The following PHF12 variants were observed in gnomAD, a reference collection of about 807,000 sequenced individuals.
The protein encoded by PHF12 is PHD finger protein 12, also known as PHD factor 1.
Under a neutral mutation model 99.8 loss-of-function variants are expected in PHF12, and 6 were observed. The ratio of observed to expected loss-of-function variants is 0.06; its 90% CI spans 0.03 to 0.12. The LOEUF (loss-of-function observed/expected upper bound fraction) is 0.12. Among genes scored for constraint, PHF12 ranks in the 10% least tolerant of loss-of-function variants. PHF12 has a pLI of 1.00. For synonymous variants in PHF12, 480 were observed against 514.9 expected, an observed-to-expected ratio of 0.93 and a Z score of 0.92; for missense variants, 954 against 1,300.1, an observed-to-expected ratio of 0.73 and a Z score of 4.09.
chr17:28,909,303 G>A (rs557715546), intron 11 of PHF12: 1 of 164,428 alleles, frequency 6.1e-6, no homozygotes, highest in Non-Finnish European at 1.3e-5. Context: ...GTCTGAGGAG[G>A]GGCCTTAGCT....
chr17:28,922,862 C>T (rs779590095), intron 4 of PHF12, among the ~76,000 whole-genome samples: 5 of 152,104 alleles, frequency 3.3e-5, no homozygotes, highest in African/African-American at 4.8e-5. Context: ...GCGGGAGGAT[C>T]GTGTGAGCAC....
intron 13 of PHF12, 114 bp downstream of exon 13, chr17:28,907,476 A>T: frequency 9.9e-7 from 1 of 1,011,300 alleles, no homozygotes. Flanking sequence ...AGGGAAGAAA[A>T]AGAGAGGACC....
intron 2 of PHF12, chr17:28,944,586 G>C (rs1379083410): frequency 1.1e-6 from 1 of 873,052 alleles, no homozygotes; most frequent in Non-Finnish European, 1.4e-6. Context: ...GGCGGAGATT[G>C]CAGTGAACTG....
chr17:28,915,355 T>C (rs964784047), intron 7 of PHF12, among the ~76,000 whole-genome samples: 8 of 152,262 alleles, frequency 5.3e-5, no homozygotes, highest in African/African-American at 1.7e-4. Flanking sequence ...GTAGTGATCA[T>C]TGTTATTTAC....
At position 28,951,498 on chromosome 17, in the gene PHF12, G is replaced by GTATTGCCTTCCGCAGGCCCTCA. The variant is rs2040814310; in HGVS notation, c.-539_-538insTGAGGGCCTGCGGAAGGCAATA. 1 of 985,260 alleles carries GTATTGCCTTCCGCAGGCCCTCA rather than the reference G, an allele frequency of 1.0e-6. No individual in the cohort carries two copies. Among genetic ancestry groups the GTATTGCCTTCCGCAGGCCCTCA allele is most frequent in the African/African-American group, 1.7e-5 (1 of 57,224 alleles). 61.0% of individuals were successfully genotyped at this position (985,260 alleles called of 1,614,324 possible). On this transcript the variant is annotated 5_prime_UTR_variant, in exon 1 of 15. Coordinates refer to ENST00000332830, the MANE Select transcript of PHF12 (RefSeq NM_001033561.2). ...CGCCCGCAAAGCCACCCGCGCAGGC[G>GTATTGCCTTCCGCAGGCCCTCA]CCCCGGGATCGGCGCTCGCCGCGCG...
chr17:28,910,962 CAT>C, intron 10 of PHF12, 148 bp downstream of exon 10: 1 of 1,114,190 alleles, frequency 9.0e-7, no homozygotes, highest in Non-Finnish European at 1.3e-6. Flanking sequence ...CCCGCCCCCC[CAT>C]CCAAAAGGAT....
chr17:28,923,761 G>A, intron 4 of PHF12, 148 bp downstream of exon 4: 1 of 953,700 alleles, frequency 1.0e-6, no homozygotes, highest in East Asian at 2.8e-5. Context: ...TAATGGCTAA[G>A]ACCTTCAAAG....
chr17:28,931,317 G>A (rs558178426), intron 2 of PHF12, among the ~76,000 whole-genome samples: 5 of 149,988 alleles, frequency 3.3e-5, no homozygotes, highest in East Asian at 3.9e-4. Flanking sequence ...GTGCAGTGGC[G>A]CGATCTTGGC....
intron 10 of PHF12, chr17:28,910,576 G>C (rs1484425707): frequency 1.6e-6 from 1 of 624,986 alleles, no homozygotes; most frequent in African/African-American, 1.8e-5. Flanking sequence ...AATGCAGCCT[G>C]TGCAGCTGCC....
At chr17:28,911,345 C>A in intron 9 of PHF12, 108 bp from the exon 10 acceptor site, 2 of 1,443,606 alleles carry the variant, frequency 1.4e-6, no homozygotes, top group South Asian at 1.3e-5. Flanking sequence ...GTGATGTTCC[C>A]TTCTTGATTC....
rs2040779768 is a variant in PHF12, at chr17:28,949,941, CA to C, written c.248+123del. 5 of 1,157,176 alleles carry C rather than the reference CA, an allele frequency of 4.3e-6. No individual in the cohort carries two copies. The South Asian group carries it at 7.7e-5, about 18-fold the overall frequency. The allele number at this position is 1,157,176 out of a possible 1,614,324, so 71.7% of individuals were successfully genotyped here. ...GGGGGCGGGGAGGTGCTCGCCCCGG[CA>C]GCTGCAGAAAGTCAGCTAGCGGCTG... is the stretch of plus-strand genomic sequence containing the variant. On this transcript the variant is annotated intron_variant, in intron 2 of 14. Coordinates refer to ENST00000332830, the MANE Select transcript of PHF12 (RefSeq NM_001033561.2). This position sits in a 1 kb window ranked among gnomAD's most constrained non-coding sequence, Gnocchi z 4.6.
intron 2 of PHF12, among the ~76,000 whole-genome samples, chr17:28,938,944 A>AC (rs1440415161): frequency 6.6e-6 from 1 of 152,226 alleles, no homozygotes; most frequent in Non-Finnish European, 1.5e-5. Context: ...AAGAATGATC[A>AC]CCCTAAAGGT....
Position 28,921,825 on chromosome 17 carries a change from T to G in PHF12, c.716-17A>C. 2 of 1,613,976 alleles carry G rather than the reference T, an allele frequency of 1.2e-6. No homozygotes were observed. Among genetic ancestry groups the G allele is most frequent in the Non-Finnish European group, 1.7e-6 (2 of 1,179,950 alleles). On this transcript the variant is annotated splice_polypyrimidine_tract_variant and intron_variant, in intron 4 of 14. Coordinates refer to ENST00000332830, the MANE Select transcript of PHF12 (RefSeq NM_001033561.2). ...TGCTAGAACCTAGAAAAGAAAATGA[T>G]GGTGCTGAGCTATCCCTGGCTTCAG...
At chr17:28,908,999 C>T (rs1479685619) in intron 11 of PHF12, 118 bp from the exon 12 acceptor site, 2 of 933,164 alleles carry the variant, frequency 2.1e-6, no homozygotes, top group South Asian at 3.0e-5. Flanking sequence ...CTGGATGACT[C>T]ATCTTTCCAA....
At chr17:28,907,015 T>TA in intron 13 of PHF12, 21 bp from the exon 14 acceptor site, 1 of 1,592,788 alleles carries the variant, frequency 6.3e-7, no homozygotes, top group Non-Finnish European at 8.6e-7. Flanking sequence ...GGAGGGGAGA[T>TA]AAGATGTGTG....
At chr17:28,914,622 A>AGAT (rs1446066945) in intron 7 of PHF12, among the ~76,000 whole-genome samples, 2 of 137,696 alleles carry the variant, frequency 1.5e-5, no homozygotes, top group Non-Finnish European at 3.1e-5. Context: ...CAGTGAACCG[A>AGAT]GATAGGGCCA....
At chr17:28,907,396 G>T in intron 13 of PHF12, 194 bp downstream of exon 13, 1 of 593,596 alleles carries the variant, frequency 1.7e-6, no homozygotes, top group Admixed American at 3.1e-5. Context: ...CCCTGCTCCT[G>T]GGAAGCAGGT....
chr17:28,913,228 G>A lies in PHF12; in HGVS notation c.1343C>T (p.Ser448Phe), dbSNP rs1470748938. ...ALQCSILKHLSAKQMPSHWDS... is the reference protein window; with the variant it reads ...ALQCSILKHLFAKQMPSHWDS... ...CCAATGCGAAGGCATCTGCTTAGCA[G>A]ATAAATGTTTCAATATGCTGCACTG... Residue 448 changes from serine (S) to phenylalanine (F), a missense_variant, in exon 9 of 15, where the codon TCT becomes TTT. Physicochemically the swap from Ser to Phe is radical, Grantham distance 155 (BLOSUM62 -2). Coordinates refer to ENST00000332830, the MANE Select transcript of PHF12 (RefSeq NM_001033561.2). 6.2e-7 allele frequency: 1 copy of A among 1,614,040 alleles called. No homozygotes were observed. The highest frequency in any genetic ancestry group is 1.7e-5 in the Admixed American group (1 of 60,014).
rs1365591251 is a variant in PHF12, at chr17:28,949,173, C to G, written c.248+892G>C. ...CCTTTCTAGTGCCACCGCACACAAT[C>G]CTCCCTCTGGCAGCAAAGAATTTTG... On this transcript the variant is annotated intron_variant, in intron 2 of 14. Transcript: ENST00000332830. The surrounding 1 kb of genome is among the most constrained non-coding windows in gnomAD (Gnocchi z 4.6). Among the ~76,000 whole-genome samples the G allele has an allele frequency of 6.6e-6, 1 of 152,222 alleles. No homozygotes were observed. Among genetic ancestry groups the G allele is most frequent in the East Asian group, 1.9e-4 (1 of 5,196 alleles).
Sources: allele counts gnomAD v4.1 joint callset (sites outside exome capture counted in the v4.1 genomes callset), GRCh38; gene constraint gnomAD v4.1.1; non-coding constraint Gnocchi (gnomAD v3.1); transcripts MANE v1.5; gene names NCBI Gene and HGNC (gene_info 2026-07-23, HGNC 2026-07-21).